RPS6KC1: variants seen among roughly 807,000 people sequenced by gnomAD.
The protein encoded by RPS6KC1 is ribosomal protein S6 kinase C1.
A neutral mutation model predicts 103.8 loss-of-function variants in RPS6KC1; 54 were observed. The observed-to-expected ratio is 0.52, with a 90% CI of 0.42 to 0.65. The LOEUF (loss-of-function observed/expected upper bound fraction) is 0.65. Among genes scored for constraint, RPS6KC1 ranks in the 30% least tolerant of loss-of-function variants. RPS6KC1 has a pLI of 0.00. For missense variants in RPS6KC1, 1,151 were observed against 1,253.8 expected, an observed-to-expected ratio of 0.92 and a Z score of 1.24; for synonymous variants, 439 against 438.7, an observed-to-expected ratio of 1.00 and a Z score of -0.01.
chr1:213,261,739 T>C, intron 13 of RPS6KC1, 99 bp downstream of exon 13: 1 of 1,007,610 alleles, frequency 9.9e-7, no homozygotes, highest in Non-Finnish European at 1.5e-6. Flanking sequence ...AATCAGGGAC[T>C]AAGCAAGAAA....
the RPS6KC1 span, among the ~76,000 whole-genome samples, chr1:213,592,123 A>C: frequency 6.6e-6 from 1 of 152,220 alleles, no homozygotes; most frequent in Non-Finnish European, 1.5e-5. Context: ...TGAAATAATC[A>C]AAGACAATGA....
the RPS6KC1 span, among the ~76,000 whole-genome samples, chr1:213,454,202 T>C: frequency 6.6e-6 from 1 of 151,992 alleles, no homozygotes; most frequent in South Asian, 2.1e-4. Context: ...TATCTTAGAG[T>C]CCTTCTGCCA....
the RPS6KC1 span, among the ~76,000 whole-genome samples, chr1:213,587,048 T>A: frequency 1.3e-5 from 2 of 152,228 alleles, no homozygotes; most frequent in Non-Finnish European, 2.9e-5. Context: ...CCTGGAAACC[T>A]TCAGCAATAA....
chr1:213,792,787 C>T, the RPS6KC1 span, among the ~76,000 whole-genome samples: 1 of 152,238 alleles, frequency 6.6e-6, no homozygotes, highest in East Asian at 1.9e-4. Context: ...TTCACAGCAA[C>T]TCGGAGGTTC....
At chr1:213,465,754 T>C in the RPS6KC1 span, among the ~76,000 whole-genome samples, 1 of 152,188 alleles carries the variant, frequency 6.6e-6, no homozygotes, top group Admixed American at 6.5e-5. Flanking sequence ...ATGAATTCTG[T>C]GGCCTAGATT....
Position 213,241,989 on chromosome 1 carries a change from T to TA in RPS6KC1, c.2518dup (p.Thr840AsnfsTer12), listed in dbSNP as rs1385399846. The stretch of plus-strand genomic sequence containing the variant: ...GAATATATTGCAAGCACAGACACTT[T>TA]AAAAACAGAAGAAGTATTGCTGTTT... On this transcript the variant is annotated frameshift_variant, in exon 11 of 15. Transcript: ENST00000366960. LOFTEE classifies it high-confidence loss of function. 1 of 1,614,070 alleles carries TA rather than the reference T, an allele frequency of 6.2e-7. No homozygotes were observed. The highest frequency in any genetic ancestry group is 1.7e-5 in the Admixed American group (1 of 59,974).
At chr1:213,447,171 G>A in the RPS6KC1 span, among the ~76,000 whole-genome samples, 4 of 151,906 alleles carry the variant, frequency 2.6e-5, no homozygotes, top group East Asian at 1.9e-4. Flanking sequence ...CAGCTCAAGC[G>A]ATCCTCCTAC....
rs74139158 is a variant in RPS6KC1, at chr1:213,231,339, A to G, written c.1093-784A>G. Among the ~76,000 whole-genome samples the G allele has an allele frequency of 2.4e-3, 369 of 152,310 alleles. 1 individual carries two copies. The highest frequency in any genetic ancestry group is 0.02 in the Middle Eastern group (6 of 294). Reference sequence around the variant, plus strand: ...TTGATCTAAATTCAATTTTGATTCTATACATAATGCAATTTATAACTAAAT... The same window carrying G: ...TTGATCTAAATTCAATTTTGATTCTGTACATAATGCAATTTATAACTAAAT... On this transcript the variant is annotated intron_variant, in intron 9 of 14. Transcript: ENST00000366960.
chr1:213,615,473 G>C, the RPS6KC1 span, among the ~76,000 whole-genome samples: 1 of 152,284 alleles, frequency 6.6e-6, no homozygotes, highest in Non-Finnish European at 1.5e-5. Context: ...TGATGAGAAA[G>C]AAGAGTGCCA....
intron 6 of RPS6KC1, among the ~76,000 whole-genome samples, chr1:213,131,179 A>G (rs1299858295): frequency 6.6e-6 from 1 of 152,164 alleles, no homozygotes; most frequent in African/African-American, 2.4e-5. Context: ...GTGTATAGCA[A>G]TAAGAGGAGA....
the RPS6KC1 span, among the ~76,000 whole-genome samples, chr1:213,721,148 A>C: frequency 2.0e-5 from 3 of 152,204 alleles, no homozygotes; most frequent in Non-Finnish European, 4.4e-5. Flanking sequence ...GTGCTTGTCC[A>C]GGGAAAAGAG....
intron 14 of RPS6KC1, among the ~76,000 whole-genome samples, chr1:213,268,179 GGAAACA>G (rs2094955350): frequency 6.6e-6 from 1 of 151,772 alleles, no homozygotes; most frequent in South Asian, 2.1e-4. Context: ...AGAAAATTTT[GGAAACA>G]GTAAAAGGAA....
At chr1:213,083,809 G>A (rs2080127861) in intron 3 of RPS6KC1, among the ~76,000 whole-genome samples, 1 of 152,156 alleles carries the variant, frequency 6.6e-6, no homozygotes, top group African/African-American at 2.4e-5. Context: ...ACCAGGATTA[G>A]TCTGTATGAC....
At chr1:213,546,864 T>C in the RPS6KC1 span, among the ~76,000 whole-genome samples, 1 of 152,198 alleles carries the variant, frequency 6.6e-6, no homozygotes, top group Admixed American at 6.5e-5. Flanking sequence ...CCATCATTTA[T>C]TTCAATTTCC....
chr1:213,155,664 CT>C (rs1048160156), intron 6 of RPS6KC1, among the ~76,000 whole-genome samples: 13 of 151,444 alleles, frequency 8.6e-5, no homozygotes, highest in African/African-American at 2.9e-4. Flanking sequence ...TTCGGGACTG[CT>C]TTTTTTTTGT....
the RPS6KC1 span, among the ~76,000 whole-genome samples, chr1:213,508,460 A>G: frequency 1.3e-5 from 2 of 152,096 alleles, no homozygotes; most frequent in African/African-American, 4.8e-5. Context: ...GTGGAGAGCC[A>G]GAAAATAGGA....
chr1:213,556,367 G>C, the RPS6KC1 span, among the ~76,000 whole-genome samples: 292 of 152,302 alleles, frequency 1.9e-3, no homozygotes, highest in African/African-American at 6.4e-3. Flanking sequence ...ATTAGCAATA[G>C]TAACAATAGT....
chr1:213,422,319 T>C, the RPS6KC1 span, among the ~76,000 whole-genome samples: 16 of 152,376 alleles, frequency 1.1e-4, no homozygotes, highest in African/African-American at 3.1e-4. Flanking sequence ...TGTTGTAGCA[T>C]GTGTCAGAAT....
chr1:213,514,821 G>C, the RPS6KC1 span, among the ~76,000 whole-genome samples: 6 of 152,158 alleles, frequency 3.9e-5, no homozygotes, highest in Admixed American at 3.9e-4. Flanking sequence ...TTCCACAATG[G>C]TTGAAGTAGT....
Sources: allele counts gnomAD v4.1 joint callset (sites outside exome capture counted in the v4.1 genomes callset), GRCh38; gene constraint gnomAD v4.1.1; transcripts MANE v1.5; gene names NCBI Gene and HGNC (gene_info 2026-07-23, HGNC 2026-07-21).